NKAIN2: variants seen among roughly 807,000 people sequenced by gnomAD.
The protein encoded by NKAIN2 is sodium/potassium-transporting ATPase subunit beta-1-interacting protein 2.
Under a neutral mutation model 32.6 loss-of-function variants are expected in NKAIN2, and 14 were observed. The ratio of observed to expected loss-of-function variants is 0.43; its 90% CI spans 0.28 to 0.67. The LOEUF (loss-of-function observed/expected upper bound fraction) is 0.67, where lower values mean the gene tolerates loss of function less well. NKAIN2 is among the 30% of genes least tolerant of loss of function. NKAIN2 has a pLI of 0.17. For missense variants in NKAIN2, 198 were observed against 258.3 expected (o/e 0.77, Z 1.60); for synonymous variants, 80 against 87.2 (o/e 0.92, Z 0.46).
At chr6:124,554,895 GGC>G (rs1242468501) in intron 3 of NKAIN2, among the ~76,000 whole-genome samples, 1 of 152,158 alleles carries the variant, frequency 6.6e-6, no homozygotes, top group Non-Finnish European at 1.5e-5. Context: ...GCTGAAGTGT[GGC>G]CTTTCTGTGC....
intron 4 of NKAIN2, among the ~76,000 whole-genome samples, chr6:124,711,237 G>A (rs1417108816): frequency 9.3e-6 from 1 of 107,326 alleles, no homozygotes; most frequent in Non-Finnish European, 1.9e-5. Flanking sequence ...AGGGTAACCC[G>A]ACCTTTCTCT....
chr6:124,355,177 T>C (rs986703054), intron 2 of NKAIN2, 90 bp from the exon 3 acceptor site: 4 of 770,088 alleles, frequency 5.2e-6, no homozygotes, highest in Non-Finnish European at 9.2e-6. Context: ...ACTAATCTTA[T>C]ATTAGGGTGT....
chr6:124,456,701 G>T (rs563450925), intron 3 of NKAIN2, among the ~76,000 whole-genome samples: 1 of 151,774 alleles, frequency 6.6e-6, no homozygotes, highest in South Asian at 2.1e-4. Flanking sequence ...CTTTGACTCC[G>T]TGAACATTTT....
At chr6:124,017,084 G>A (rs547917781) in intron 1 of NKAIN2, among the ~76,000 whole-genome samples, 11 of 152,240 alleles carry the variant, frequency 7.2e-5, no homozygotes, top group African/African-American at 2.6e-4. Flanking sequence ...CACATGGCTG[G>A]GGAGGCCTCA....
chr6:124,513,143 C>A (rs1778780216), intron 3 of NKAIN2, among the ~76,000 whole-genome samples: 1 of 152,072 alleles, frequency 6.6e-6, no homozygotes, highest in African/African-American at 2.4e-5. Context: ...CATCAACAAC[C>A]AAAATATTAT....
intron 4 of NKAIN2, among the ~76,000 whole-genome samples, chr6:124,694,738 C>G (rs1242115599): frequency 2.0e-5 from 3 of 152,038 alleles, no homozygotes; most frequent in Admixed American, 1.3e-4. Context: ...TAGCTGGAAG[C>G]CATAGTTTAA....
intron 1 of NKAIN2, among the ~76,000 whole-genome samples, chr6:123,819,656 C>A (rs2114884294): frequency 6.6e-6 from 1 of 152,278 alleles, no homozygotes; most frequent in East Asian, 1.9e-4. Context: ...CAACGGAAAG[C>A]TGGTTCTGGA....
intron 3 of NKAIN2, among the ~76,000 whole-genome samples, chr6:124,426,718 A>C (rs1166281354): frequency 6.6e-6 from 1 of 151,954 alleles, no homozygotes; most frequent in Non-Finnish European, 1.5e-5. Flanking sequence ...CCCAAATCTC[A>C]TCTTGAATTA....
intron 1 of NKAIN2, among the ~76,000 whole-genome samples, chr6:123,846,272 T>C (rs1775085644): frequency 2.0e-5 from 3 of 152,150 alleles, no homozygotes; most frequent in Admixed American, 2.0e-4. Flanking sequence ...TTCTTACTTA[T>C]TTAGTTAAGT....
At chr6:124,366,451 A>G (rs776592467) in intron 3 of NKAIN2, among the ~76,000 whole-genome samples, 2 of 136,492 alleles carry the variant, frequency 1.5e-5, no homozygotes, top group Non-Finnish European at 3.2e-5. Flanking sequence ...CTTTTGACAG[A>G]AAAAAAAAAC....
intron 1 of NKAIN2, among the ~76,000 whole-genome samples, chr6:124,037,802 G>C (rs1192862183): frequency 6.6e-6 from 1 of 152,070 alleles, no homozygotes; most frequent in East Asian, 1.9e-4. Context: ...GATTATGATA[G>C]AACAGGTAAA....
intron 1 of NKAIN2, among the ~76,000 whole-genome samples, chr6:124,064,969 A>G (rs564151287): frequency 2.0e-5 from 3 of 152,188 alleles, no homozygotes; most frequent in East Asian, 1.9e-4. Flanking sequence ...TATATCTTCA[A>G]TGTGTAGTAG....
intron 1 of NKAIN2, among the ~76,000 whole-genome samples, chr6:124,110,699 A>G (rs4896074): frequency 0.63 from 95,811 of 151,902 alleles, 30,451 homozygotes; most frequent in East Asian, 0.74. Flanking sequence ...CTCCATCTGC[A>G]TCCGTGTTGC....
chr6:123,828,317 A>G (rs1392064201), intron 1 of NKAIN2, among the ~76,000 whole-genome samples: 1 of 152,182 alleles, frequency 6.6e-6, no homozygotes. Context: ...AACCTCGAGG[A>G]CTGCTGTAAG....
intron 3 of NKAIN2, among the ~76,000 whole-genome samples, chr6:124,637,474 GTTA>G (rs1783817661): frequency 6.6e-6 from 1 of 151,888 alleles, no homozygotes; most frequent in African/African-American, 2.4e-5. Flanking sequence ...ACATTTTTGT[GTTA>G]TTTTTTATTT....
At chr6:124,316,255 A>C (rs1320680545) in intron 2 of NKAIN2, among the ~76,000 whole-genome samples, 2 of 152,100 alleles carry the variant, frequency 1.3e-5, no homozygotes, top group African/African-American at 4.8e-5. Flanking sequence ...ATAAATGTGC[A>C]CACCTATTAT....
intron 5 of NKAIN2, among the ~76,000 whole-genome samples, chr6:124,800,494 A>G (rs1208619244): frequency 6.6e-6 from 1 of 152,212 alleles, no homozygotes; most frequent in African/African-American, 2.4e-5. Flanking sequence ...CAGGGAGTGA[A>G]AGAGAAACAA....
At chr6:124,707,758 T>A (rs1221453367) in intron 4 of NKAIN2, among the ~76,000 whole-genome samples, 1 of 151,628 alleles carries the variant, frequency 6.6e-6, no homozygotes, top group Non-Finnish European at 1.5e-5. Context: ...GTCAGATGAG[T>A]AGGTTGCAAA....
chr6:124,341,198 A>G (rs1798100421), intron 2 of NKAIN2, among the ~76,000 whole-genome samples: 1 of 152,180 alleles, frequency 6.6e-6, no homozygotes. Flanking sequence ...AATTGATCAT[A>G]ATATAAGCAA....
Sources: allele counts gnomAD v4.1 joint callset (sites outside exome capture counted in the v4.1 genomes callset), GRCh38; gene constraint gnomAD v4.1.1; transcripts MANE v1.5; gene names NCBI Gene and HGNC (gene_info 2026-07-23, HGNC 2026-07-21).